The following FCMR variants were observed in gnomAD, a reference collection of about 807,000 sequenced individuals.
FCMR encodes the protein immunoglobulin mu Fc receptor.
Under a neutral mutation model 41.6 loss-of-function variants are expected in FCMR, and 34 were observed. The observed-to-expected ratio is 0.82, with a 90% CI of 0.62 to 1.09. The LOEUF is 1.09. Among genes scored for constraint, FCMR ranks in the 50% least tolerant of loss-of-function variants. The pLI is 0.00. For synonymous variants in FCMR, 209 were observed against 211.8 expected (o/e 0.99, Z 0.12); for missense variants, 496 against 512.5 (o/e 0.97, Z 0.31).
intron 1 of FCMR, among the ~76,000 whole-genome samples, chr1:206,914,379 T>C (rs1679095201): frequency 6.7e-6 from 1 of 150,052 alleles, no homozygotes; most frequent in South Asian, 2.1e-4. Context: ...TTTCCCTTCC[T>C]TCCTTCCTCT....
At chr1:206,917,567 A>G (rs1324505394) in intron 1 of FCMR, among the ~76,000 whole-genome samples, 1 of 152,116 alleles carries the variant, frequency 6.6e-6, no homozygotes, top group East Asian at 1.9e-4. Flanking sequence ...TTGGAGAAAA[A>G]TGGCCTTCTC....
intron 7 of FCMR, among the ~76,000 whole-genome samples, chr1:206,907,124 G>A (rs1485584151): frequency 7.6e-6 from 1 of 130,862 alleles, no homozygotes; most frequent in Non-Finnish European, 1.7e-5. Flanking sequence ...TGGGGGCGGG[G>A]TGGGGACTGC....
At chr1:206,910,479 C>T (rs923797979) in intron 4 of FCMR, 139 bp from the exon 5 acceptor site, 1 of 587,870 alleles carries the variant, frequency 1.7e-6, no homozygotes, top group Non-Finnish European at 2.6e-6. Context: ...CTCCACTCCC[C>T]CCTCAAAAAG....
At chr1:206,914,150 C>T (rs554137444) in intron 1 of FCMR, 56 bp from the exon 2 acceptor site, 165 of 1,365,946 alleles carry the variant, frequency 1.2e-4, no homozygotes, top group South Asian at 6.9e-4. Flanking sequence ...ATATCCCAGC[C>T]CCATCTACTT....
chr1:206,912,816 A>T (rs1679001991), intron 3 of FCMR, 113 bp downstream of exon 3: 2 of 753,770 alleles, frequency 2.7e-6, no homozygotes, highest in Non-Finnish European at 4.8e-6. Flanking sequence ...CACACCTAAG[A>T]CTCAGCTCAG....
chr1:206,915,824 A>G (rs1679169469), intron 1 of FCMR, among the ~76,000 whole-genome samples: 1 of 152,228 alleles, frequency 6.6e-6, no homozygotes, highest in East Asian at 1.9e-4. Context: ...AGATTTATCC[A>G]CAGGGCACAC....
chr1:206,907,707 G>T (rs775712193), intron 7 of FCMR: 23 of 882,732 alleles, frequency 2.6e-5, no homozygotes, highest in Admixed American at 6.8e-5. Context: ...GTACTGCTGG[G>T]CTGGAAGGTG....
chr1:206,911,955 G>A lies in FCMR; in HGVS notation c.488-3C>T, dbSNP rs764566910. The A allele has an allele frequency of 6.2e-7, 1 of 1,604,286 alleles. No homozygotes were observed. The highest frequency in any genetic ancestry group is 1.1e-5 in the South Asian group (1 of 89,882). Reference sequence around the variant, plus strand: ...GCCCCTTTGAGCTGGTGTGGTAACTGCAGGAGGTAGCAGGAAAAAGGGATG... The same window carrying A: ...GCCCCTTTGAGCTGGTGTGGTAACTACAGGAGGTAGCAGGAAAAAGGGATG... On this transcript the variant is annotated splice_polypyrimidine_tract_variant and splice_region_variant and intron_variant, in intron 3 of 7. Coordinates refer to ENST00000367091, the MANE Select transcript of FCMR (RefSeq NM_005449.5).
At position 206,909,526 on chromosome 1, in the gene FCMR, G is replaced by A; in HGVS notation, c.986-6C>T. 7.5e-7 allele frequency: 1 copy of A among 1,327,214 alleles called. No homozygotes were observed. Among genetic ancestry groups the A allele is most frequent in the Non-Finnish European group, 9.6e-7 (1 of 1,042,286 alleles). 82.2% of individuals were successfully genotyped at this position (1,327,214 alleles called of 1,614,324 possible). Reference sequence around the variant, plus strand: ...AACGGGGGCCTCCCCTGTGCCTAGGGAACAGCGAGGGCGAGGTGAGGCGGC... The same window carrying A: ...AACGGGGGCCTCCCCTGTGCCTAGGAAACAGCGAGGGCGAGGTGAGGCGGC... On this transcript the variant is annotated splice_region_variant and splice_polypyrimidine_tract_variant and intron_variant, in intron 6 of 7. Coordinates refer to ENST00000367091, the MANE Select transcript of FCMR (RefSeq NM_005449.5). This position sits in a 1 kb window ranked among gnomAD's most constrained non-coding sequence, Gnocchi z 5.0.
At chr1:206,911,188 A>G (rs1413115160) in intron 4 of FCMR, among the ~76,000 whole-genome samples, 4 of 151,316 alleles carry the variant, frequency 2.6e-5, no homozygotes, top group Non-Finnish European at 5.9e-5. Flanking sequence ...CCTCTTTCTC[A>G]CTATCACCTT....
In FCMR at chr1:206,909,045, G is replaced by A. The variant is rs1678803074; in HGVS notation, c.1044+417C>T. Among the ~76,000 whole-genome samples the A allele has an allele frequency of 6.6e-6, 1 of 152,152 alleles. No homozygotes were observed. Among genetic ancestry groups the A allele is most frequent in the Non-Finnish European group, 1.5e-5 (1 of 68,024 alleles). On this transcript the variant is annotated intron_variant, in intron 7 of 7. Transcript: ENST00000367091. The surrounding 1 kb of genome is among the most constrained non-coding windows in gnomAD (Gnocchi z 5.0). Reference sequence around the variant, plus strand: ...AAATTACCTCCTCTCATCTTCGAGAGTTTACTAGAAAGTTCTCGCGCACAG... The same window carrying A: ...AAATTACCTCCTCTCATCTTCGAGAATTTACTAGAAAGTTCTCGCGCACAG...
intron 4 of FCMR, 123 bp downstream of exon 4, chr1:206,911,607 G>C: frequency 1.2e-6 from 1 of 838,228 alleles, no homozygotes; most frequent in African/African-American, 1.7e-5. Context: ...ACTCATAGGT[G>C]GTATATTTCA....
At chr1:206,921,954 A>C, upstream of FCMR, 1 of 1,068,718 alleles carries the variant, frequency 9.4e-7, no homozygotes, top group African/African-American at 1.6e-5. Flanking sequence ...AACTGGAAAG[A>C]GATTTCTAGC....
chr1:206,912,960 T>G lies in FCMR; in HGVS notation c.456A>C (p.Ala152=). ...FHLPYLFQMP[A]YASSSKFVTR... ...TTACGAATTTGGAAGAACTGGCATATGCAGGCATCTGGAACAAATAGGGCA... is the reference window on the plus strand; with the variant it reads ...TTACGAATTTGGAAGAACTGGCATAGGCAGGCATCTGGAACAAATAGGGCA... Residue 152 remains alanine (A), a synonymous_variant, in exon 3 of 8, where the codon GCA becomes GCC. Coordinates refer to ENST00000367091, the MANE Select transcript of FCMR (RefSeq NM_005449.5). The G allele has an allele frequency of 6.2e-7, 1 of 1,613,650 alleles. No homozygotes were observed. Among genetic ancestry groups the G allele is most frequent in the Non-Finnish European group, 8.5e-7 (1 of 1,179,532 alleles).
At chr1:206,906,998 C>T (rs1332061364) in intron 7 of FCMR, among the ~76,000 whole-genome samples, 1 of 149,748 alleles carries the variant, frequency 6.7e-6, no homozygotes, top group Non-Finnish European at 1.5e-5. Flanking sequence ...TACTGAATGC[C>T]TACTATGTTC....
At chr1:206,914,305 T>TTTTC (rs1572627034) in intron 1 of FCMR, among the ~76,000 whole-genome samples, 1 of 141,206 alleles carries the variant, frequency 7.1e-6, no homozygotes, top group Non-Finnish European at 1.6e-5. Context: ...TTTCTTTTTC[T>TTTTC]TTTCTTTCCT....
Position 206,909,843 on chromosome 1 carries a change from C to A in FCMR, c.867G>T (p.Leu289=). 7.2e-7 allele frequency: 1 copy of A among 1,387,422 alleles called. No individual in the cohort carries two copies. Among genetic ancestry groups the A allele is most frequent in the Non-Finnish European group, 9.3e-7 (1 of 1,073,340 alleles). The allele number at this position is 1,387,422 out of a possible 1,614,324, so 85.9% of individuals were successfully genotyped here. A position where few individuals can be genotyped will look rare whatever the true frequency, so the allele number is the denominator to read the frequency against. ...TCTCCAGGGCGCGCATCCTCACGGCCAGTCGGCGGGCCCGCCTGGAGAGGG... is the reference window on the plus strand; with the variant it reads ...TCTCCAGGGCGCGCATCCTCACGGCAAGTCGGCGGGCCCGCCTGGAGAGGG... The part of the protein sequence containing the change: ...RKALSRRARR[L]AVRMRALESS... The change falls in exon 6 of 8, where the codon CTG becomes CTT. Residue 289 remains leucine, a synonymous_variant. Transcript: ENST00000367091. The surrounding 1 kb of genome is among the most constrained non-coding windows in gnomAD (Gnocchi z 5.0).
chr1:206,912,859 C>A, intron 3 of FCMR, 70 bp downstream of exon 3: 3 of 1,056,528 alleles, frequency 2.8e-6, no homozygotes, highest in Non-Finnish European at 4.5e-6. Context: ...TGAACATAGA[C>A]CCCCTCCTCC....
chr1:206,912,339 C>T (rs1235781189), intron 3 of FCMR, among the ~76,000 whole-genome samples: 5 of 152,158 alleles, frequency 3.3e-5, no homozygotes, highest in Non-Finnish European at 7.4e-5. Flanking sequence ...TTACACTATC[C>T]CTCTTGGCTC....
Sources: allele counts gnomAD v4.1 joint callset (sites outside exome capture counted in the v4.1 genomes callset), GRCh38; gene constraint gnomAD v4.1.1; non-coding constraint Gnocchi (gnomAD v3.1); transcripts MANE v1.5; gene names NCBI Gene and HGNC (gene_info 2026-07-23, HGNC 2026-07-21).